The following CCBE1 variants were observed in gnomAD, a reference collection of about 807,000 sequenced individuals.
CCBE1 encodes the protein collagen and calcium binding EGF domains 1, also known as collagen and calcium-binding EGF domain-containing protein 1.
Under a neutral mutation model 50.0 loss-of-function variants are expected in CCBE1, and 37 were observed. The observed-to-expected ratio is 0.74, with a 90% CI of 0.57 to 0.97. CCBE1 has a LOEUF of 0.97. Among genes scored for constraint, CCBE1 ranks in the 50% least tolerant of loss-of-function variants. The pLI is 0.00. For synonymous variants in CCBE1, 234 were observed against 203.7 expected (o/e 1.15, Z -1.27); for missense variants, 538 against 523.8 (o/e 1.03, Z -0.26).
At chr18:59,445,361 G>A (rs1178940097) in intron 7 of CCBE1, among the ~76,000 whole-genome samples, 1 of 152,034 alleles carries the variant, frequency 6.6e-6, no homozygotes, top group Non-Finnish European at 1.5e-5. Flanking sequence ...ATACATAGTG[G>A]GCTGCTTAGT....
At chr18:59,489,527 C>A (rs948860405) in intron 2 of CCBE1, among the ~76,000 whole-genome samples, 1 of 152,164 alleles carries the variant, frequency 6.6e-6, no homozygotes, top group Non-Finnish European at 1.5e-5. Context: ...GATTCTCCTG[C>A]CTCAGTCTCC....
Position 59,437,132 on chromosome 18 carries a change from T to G in CCBE1, c.987+979A>C, listed in dbSNP as rs1017148102. On this transcript the variant is annotated intron_variant, in intron 10 of 10. Transcript: ENST00000439986. ...AAACAAAATCTTCCTAATTTTTCTATGTATTGAGTATCCTTTATCATCATA... is the reference window on the plus strand; with the variant it reads ...AAACAAAATCTTCCTAATTTTTCTAGGTATTGAGTATCCTTTATCATCATA... Among the ~76,000 whole-genome samples the G allele has an allele frequency of 9.9e-5, 15 of 152,256 alleles. 1 individual carries two copies. The East Asian group carries it at 2.9e-3, about 29-fold the overall frequency.
At chr18:59,615,959 AT>A (rs1287915834) in intron 2 of CCBE1, among the ~76,000 whole-genome samples, 4 of 152,224 alleles carry the variant, frequency 2.6e-5, no homozygotes, top group African/African-American at 9.6e-5. Context: ...TACCATGGCC[AT>A]ATTGGGATCA....
intron 3 of CCBE1, among the ~76,000 whole-genome samples, chr18:59,477,391 G>A (rs960543802): frequency 6.6e-6 from 1 of 152,210 alleles, no homozygotes; most frequent in African/African-American, 2.4e-5. Flanking sequence ...CAGGCGAGGT[G>A]CTTGCTGAGG....
chr18:59,474,301 C>T (rs919280540), intron 3 of CCBE1, among the ~76,000 whole-genome samples: 23 of 152,304 alleles, frequency 1.5e-4, no homozygotes, highest in Admixed American at 2.6e-4. Context: ...GATCCTGAGA[C>T]GGCTGCTCTA....
At chr18:59,651,204 C>T (rs563242309) in intron 2 of CCBE1, among the ~76,000 whole-genome samples, 2 of 152,268 alleles carry the variant, frequency 1.3e-5, no homozygotes, top group Admixed American at 1.3e-4. Flanking sequence ...ACAATGTGTT[C>T]CAGGGAAAAT....
chr18:59,451,828 C>A (rs1910947656), intron 6 of CCBE1, among the ~76,000 whole-genome samples: 1 of 152,072 alleles, frequency 6.6e-6, no homozygotes, highest in Admixed American at 6.5e-5. Flanking sequence ...AAAGTAAGCA[C>A]CCTTTTAAAG....
intron 2 of CCBE1, among the ~76,000 whole-genome samples, chr18:59,551,018 A>G (rs1915901894): frequency 4.3e-5 from 6 of 140,766 alleles, no homozygotes; most frequent in African/African-American, 1.1e-4. Flanking sequence ...AAAAAAAAAA[A>G]AAAAAAAAAA....
chr18:59,562,752 C>G (rs1194516086), intron 2 of CCBE1, among the ~76,000 whole-genome samples: 2 of 152,170 alleles, frequency 1.3e-5, no homozygotes, highest in Non-Finnish European at 2.9e-5. Flanking sequence ...ACTGAAAATT[C>G]CCTGAGCACT....
At chr18:59,469,929 T>G (rs974944132) in intron 3 of CCBE1, among the ~76,000 whole-genome samples, 7 of 152,098 alleles carry the variant, frequency 4.6e-5, no homozygotes, top group Admixed American at 2.0e-4. Flanking sequence ...GGGGGTGCTG[T>G]TTTGTCTTGT....
At chr18:59,537,675 C>T (rs1915305657) in intron 2 of CCBE1, among the ~76,000 whole-genome samples, 1 of 152,134 alleles carries the variant, frequency 6.6e-6, no homozygotes, top group African/African-American at 2.4e-5. Flanking sequence ...CAGTGGCTGA[C>T]AAGTTTCTTA....
chr18:59,484,824 CATCA>C (rs1912737998), intron 2 of CCBE1, among the ~76,000 whole-genome samples: 1 of 152,136 alleles, frequency 6.6e-6, no homozygotes, highest in Non-Finnish European at 1.5e-5. Context: ...GTGAAACACC[CATCA>C]ATCATAAATC....
chr18:59,580,441 G>A (rs1026414304), intron 2 of CCBE1, among the ~76,000 whole-genome samples: 1 of 152,198 alleles, frequency 6.6e-6, no homozygotes, highest in Non-Finnish European at 1.5e-5. Flanking sequence ...CTGACCACCT[G>A]GAGCACATGT....
chr18:59,482,436 C>T (rs1178326598), intron 2 of CCBE1, among the ~76,000 whole-genome samples: 1 of 152,178 alleles, frequency 6.6e-6, no homozygotes, highest in Non-Finnish European at 1.5e-5. Context: ...TCAGCAATCC[C>T]ATTACTGTGT....
intron 2 of CCBE1, among the ~76,000 whole-genome samples, chr18:59,601,010 GTTTTTTTTTTTTTTTTTTTTTT>G (rs71177045): frequency 1.2e-4 from 7 of 58,004 alleles, no homozygotes; most frequent in South Asian, 8.2e-4. Context: ...CTATGTGTCA[GTTTTTTTTTTTTTTTTTTTTTT>G]TTTTTTTTTT....
At chr18:59,660,624 T>C (rs2054270472) in intron 2 of CCBE1, among the ~76,000 whole-genome samples, 1 of 152,230 alleles carries the variant, frequency 6.6e-6, no homozygotes, top group Admixed American at 6.5e-5. Flanking sequence ...TCTGTATGTG[T>C]GCTTTTTACT....
At chr18:59,643,168 A>G (rs10445543) in intron 2 of CCBE1, among the ~76,000 whole-genome samples, 70,134 of 151,732 alleles carry the variant, frequency 0.46, 17,608 homozygotes, top group Non-Finnish European at 0.56. Context: ...GCCATTAGAC[A>G]CAAATACATT....
chr18:59,596,285 C>G (rs1273777898), intron 2 of CCBE1, among the ~76,000 whole-genome samples: 1 of 152,112 alleles, frequency 6.6e-6, no homozygotes, highest in Non-Finnish European at 1.5e-5. Context: ...GTCCACTCAC[C>G]CTGACCCTAG....
At chr18:59,658,892 A>AAAAAC (rs1568259043) in intron 2 of CCBE1, among the ~76,000 whole-genome samples, 2 of 150,816 alleles carry the variant, frequency 1.3e-5, no homozygotes, top group Non-Finnish European at 3.0e-5. Flanking sequence ...AAAAAAAAAA[A>AAAAAC]AAAAAAAAAA....
Sources: allele counts gnomAD v4.1 joint callset (sites outside exome capture counted in the v4.1 genomes callset), GRCh38; gene constraint gnomAD v4.1.1; transcripts MANE v1.5; gene names NCBI Gene and HGNC (gene_info 2026-07-23, HGNC 2026-07-21).